GPC6: variants seen among roughly 807,000 people sequenced by gnomAD.
GPC6 encodes the protein glypican 6, also known as glypican-6.
Under a neutral mutation model 55.2 loss-of-function variants are expected in GPC6, and 14 were observed. The observed-to-expected ratio is 0.25, with a 90% confidence interval of 0.17 to 0.40. The LOEUF (loss-of-function observed/expected upper bound fraction) is 0.40. Among genes scored for constraint, GPC6 ranks in the 10% least tolerant of loss-of-function variants. The pLI is 1.00. For synonymous variants in GPC6, 278 were observed against 259.6 expected, an observed-to-expected ratio of 1.07 and a Z score of -0.68; for missense variants, 641 against 708.5, an observed-to-expected ratio of 0.90 and a Z score of 1.08.
chr13:94,144,308 A>C (rs879483193), intron 4 of GPC6, among the ~76,000 whole-genome samples: 2 of 151,914 alleles, frequency 1.3e-5, no homozygotes, highest in Non-Finnish European at 2.9e-5. Flanking sequence ...ACCCCAAAAT[A>C]TACGCAGTGT....
chr13:93,935,302 T>C (rs1299141530), intron 3 of GPC6, among the ~76,000 whole-genome samples: 1 of 152,200 alleles, frequency 6.6e-6, no homozygotes. Context: ...TGTCTATTAT[T>C]TCCATCTTTA....
rs188891881 is a variant in GPC6, at chr13:93,920,570, C to T, written c.711+90025C>T. Reference sequence around the variant, plus strand: ...TGAATTTGGATTTCTTTTAATGAGTCCACCATCCTCTAAGAAGCCTTGAAT... The same window carrying T: ...TGAATTTGGATTTCTTTTAATGAGTTCACCATCCTCTAAGAAGCCTTGAAT... On this transcript the variant is annotated intron_variant, in intron 3 of 8. Coordinates refer to ENST00000377047, the MANE Select transcript of GPC6 (RefSeq NM_005708.5). Among the ~76,000 whole-genome samples the T allele has an allele frequency of 1.3e-4, 20 of 152,256 alleles. No homozygotes were observed. In the East Asian group the frequency reaches 3.9e-3, roughly 29 times the overall value.
At chr13:93,655,001 T>G (rs2139603956) in intron 2 of GPC6, among the ~76,000 whole-genome samples, 1 of 76,402 alleles carries the variant, frequency 1.3e-5, no homozygotes, top group African/African-American at 4.3e-5. Flanking sequence ...CATGCCCGGC[T>G]AATTTTTTTT....
intron 7 of GPC6, among the ~76,000 whole-genome samples, chr13:94,391,669 C>A (rs1406525986): frequency 6.6e-6 from 1 of 152,130 alleles, no homozygotes; most frequent in Non-Finnish European, 1.5e-5. Flanking sequence ...AAAACATGTA[C>A]CATTGTACGA....
chr13:93,507,239 G>A (rs893859741), intron 1 of GPC6, among the ~76,000 whole-genome samples: 5 of 152,074 alleles, frequency 3.3e-5, no homozygotes, highest in African/African-American at 9.7e-5. Context: ...AGCTTCGGCC[G>A]AATTAATCAG....
chr13:93,834,600 G>A (rs1312035918), intron 3 of GPC6, among the ~76,000 whole-genome samples: 5 of 152,080 alleles, frequency 3.3e-5, no homozygotes. Flanking sequence ...GTGCATGCAT[G>A]TATGTGCAAG....
At chr13:93,674,403 T>C (rs1881496660) in intron 2 of GPC6, among the ~76,000 whole-genome samples, 1 of 152,220 alleles carries the variant, frequency 6.6e-6, no homozygotes, top group Admixed American at 6.5e-5. Context: ...CTTTAGTTTT[T>C]GTTAAGTGTA....
chr13:93,723,402 T>C (rs1883519094), intron 2 of GPC6, among the ~76,000 whole-genome samples: 1 of 151,890 alleles, frequency 6.6e-6, no homozygotes, highest in Non-Finnish European at 1.5e-5. Flanking sequence ...TTAAGGATGG[T>C]CTTACCTAGC....
intron 2 of GPC6, among the ~76,000 whole-genome samples, chr13:93,612,367 C>T (rs944507208): frequency 6.6e-6 from 1 of 152,026 alleles, no homozygotes; most frequent in Non-Finnish European, 1.5e-5. Flanking sequence ...AGCATGGTGG[C>T]ACGTACCTGT....
intron 2 of GPC6, among the ~76,000 whole-genome samples, chr13:93,624,246 C>G (rs1879097579): frequency 6.6e-6 from 1 of 151,816 alleles, no homozygotes; most frequent in Middle Eastern, 3.2e-3. Flanking sequence ...TGGCAGTGGA[C>G]AAGCTAATGG....
At chr13:94,092,013 C>A (rs759369627) in intron 4 of GPC6, among the ~76,000 whole-genome samples, 1 of 148,358 alleles carries the variant, frequency 6.7e-6, no homozygotes, top group Admixed American at 6.9e-5. Flanking sequence ...TATATATTTG[C>A]GGTGTAAAAT....
intron 3 of GPC6, among the ~76,000 whole-genome samples, chr13:93,893,470 C>T (rs1039243670): frequency 6.6e-6 from 1 of 152,118 alleles, no homozygotes; most frequent in Non-Finnish European, 1.5e-5. Context: ...ATGCCTCTTT[C>T]AGTTGTAATA....
intron 3 of GPC6, among the ~76,000 whole-genome samples, chr13:93,943,301 G>C (rs999004110): frequency 6.6e-6 from 1 of 152,112 alleles, no homozygotes; most frequent in African/African-American, 2.4e-5. Context: ...GATAAGGTGA[G>C]AACTGCTTAG....
intron 1 of GPC6, among the ~76,000 whole-genome samples, chr13:93,365,234 T>A (rs1178915353): frequency 1.3e-5 from 2 of 152,112 alleles, no homozygotes; most frequent in Non-Finnish European, 2.9e-5. Flanking sequence ...ACACTCTTCC[T>A]GATATAAGTA....
intron 5 of GPC6, among the ~76,000 whole-genome samples, chr13:94,304,753 G>A (rs530412256): frequency 6.6e-6 from 1 of 152,206 alleles, no homozygotes; most frequent in Non-Finnish European, 1.5e-5. Context: ...CTGTGGAAAA[G>A]AACTGGCAGC....
chr13:94,051,574 A>G (rs568014322), intron 4 of GPC6, among the ~76,000 whole-genome samples: 2 of 152,330 alleles, frequency 1.3e-5, no homozygotes, highest in East Asian at 3.9e-4. Flanking sequence ...GGACGTGTTC[A>G]AAACGTATCC....
chr13:93,795,231 A>G (rs2008059), intron 2 of GPC6, among the ~76,000 whole-genome samples: 50,142 of 152,058 alleles, frequency 0.33, 8,688 homozygotes, highest in African/African-American at 0.43. Flanking sequence ...GTGCTACAAG[A>G]GTTTGTGATA....
chr13:93,295,542 G>A (rs941461831), intron 1 of GPC6, among the ~76,000 whole-genome samples: 2 of 151,690 alleles, frequency 1.3e-5, no homozygotes, highest in Admixed American at 6.6e-5. Flanking sequence ...GTGCAGTGGC[G>A]CGATCTCGGC....
chr13:94,271,305 T>G (rs1048468434), intron 4 of GPC6, among the ~76,000 whole-genome samples: 1 of 151,212 alleles, frequency 6.6e-6, no homozygotes, highest in East Asian at 2.0e-4. Context: ...AGAAGTATAA[T>G]TTTAATTCCC....
Sources: gnomAD v4.1 joint callset for allele counts (sites outside exome capture counted in the v4.1 genomes callset) on GRCh38, gnomAD v4.1.1 for gene constraint, MANE v1.5 for transcripts, NCBI Gene and HGNC (gene_info 2026-07-23, HGNC 2026-07-21) for gene names.